Variants in NAV2 observed in about 807,000 individuals in gnomAD.
NAV2 encodes the protein neuron navigator 2.
In NAV2, 54 loss-of-function variants were observed where a neutral mutation model predicts 223.2. That is an observed-to-expected ratio of 0.24 (90% confidence interval 0.19 to 0.30). NAV2 has a LOEUF of 0.30. Ranked by LOEUF, NAV2 falls within the 10% of genes least tolerant of loss-of-function variation. The pLI is 1.00. For synonymous variants in NAV2, 1,279 were observed against 1,239.3 expected (o/e 1.03, Z -0.67); for missense variants, 2,806 against 3,147.5 (o/e 0.89, Z 2.60).
At chr11:19,489,582 C>T in intron 1 of NAV2, among the ~76,000 whole-genome samples, 1 of 152,174 alleles carries the variant, frequency 6.6e-6, no homozygotes, top group South Asian at 2.1e-4. Flanking sequence ...AAAACAACAG[C>T]TTGGATGTCA....
chr11:19,573,191 C>T (rs907917537), intron 1 of NAV2, among the ~76,000 whole-genome samples: 2 of 152,214 alleles, frequency 1.3e-5, no homozygotes, highest in African/African-American at 4.8e-5. Context: ...TCACTTCCTG[C>T]ACTTCTTTTC....
chr11:19,814,502 G>T (rs1386777031), intron 1 of NAV2, among the ~76,000 whole-genome samples: 1 of 152,198 alleles, frequency 6.6e-6, no homozygotes, highest in Admixed American at 6.5e-5. Flanking sequence ...AGAGCAAAAA[G>T]GCAAGATGCA....
At chr11:19,794,288 C>G (rs1195303410) in intron 1 of NAV2, among the ~76,000 whole-genome samples, 1 of 152,196 alleles carries the variant, frequency 6.6e-6, no homozygotes, top group Non-Finnish European at 1.5e-5. Flanking sequence ...TCCTCCTCCC[C>G]CTCAACTGTT....
At chr11:19,431,753 A>C (rs1019013472) in intron 1 of NAV2, among the ~76,000 whole-genome samples, 1 of 152,254 alleles carries the variant, frequency 6.6e-6, no homozygotes, top group African/African-American at 2.4e-5. Context: ...AGAGTCTATC[A>C]AGATGAAATA....
At chr11:20,055,527 G>A (rs752679708) in intron 18 of NAV2, among the ~76,000 whole-genome samples, 91 of 152,190 alleles carry the variant, frequency 6.0e-4, no homozygotes, top group Non-Finnish European at 1.0e-3. Flanking sequence ...CTGTCTGAAC[G>A]TGCCAAGTTG....
chr11:19,525,682 T>C (rs138384349), intron 1 of NAV2, among the ~76,000 whole-genome samples: 57 of 152,288 alleles, frequency 3.7e-4, no homozygotes, highest in African/African-American at 1.3e-3. Context: ...GATAGTCTTG[T>C]TCCCACAGAA....
intron 1 of NAV2, among the ~76,000 whole-genome samples, chr11:19,517,556 T>C (rs532488678): frequency 5.3e-5 from 8 of 152,312 alleles, no homozygotes; most frequent in African/African-American, 1.9e-4. Flanking sequence ...TTTTCAGCCC[T>C]GCAAAGAGGA....
Position 19,778,525 on chromosome 11 carries a change from C to G in NAV2, c.268-53959C>G, listed in dbSNP as rs546494882. On this transcript the variant is annotated intron_variant, in intron 1 of 37. Coordinates refer to ENST00000349880, the MANE Select transcript of NAV2 (RefSeq NM_145117.5). ...CAAAAACAAAAACAAAAACAAAACA[C>G]AAAAAAAACAAAAAGAAAGAAAGAA... Among the ~76,000 whole-genome samples, 8 of 151,108 alleles carry G rather than the reference C, an allele frequency of 5.3e-5. No individual in the cohort carries two copies. In the South Asian group the frequency reaches 1.7e-3, roughly 32 times the overall value.
At chr11:19,820,114 G>A (rs192448257) in intron 1 of NAV2, among the ~76,000 whole-genome samples, 14 of 152,376 alleles carry the variant, frequency 9.2e-5, no homozygotes, top group Admixed American at 5.9e-4. Context: ...TGGAGGCTAC[G>A]ACTTAAAAGG....
chr11:19,645,050 G>A (rs77867121), intron 1 of NAV2, among the ~76,000 whole-genome samples: 2,387 of 152,282 alleles, frequency 0.016, 64 homozygotes, highest in African/African-American at 0.054. Flanking sequence ...TTAAAACAAC[G>A]CAAGCCTATT....
chr11:19,502,447 A>T, intron 1 of NAV2, among the ~76,000 whole-genome samples: 1 of 152,232 alleles, frequency 6.6e-6, no homozygotes. Flanking sequence ...AATTAAAGGC[A>T]GGTACGCTTT....
chr11:19,740,138 G>C (rs1043471744), intron 1 of NAV2, among the ~76,000 whole-genome samples: 2 of 152,088 alleles, frequency 1.3e-5, no homozygotes, highest in Non-Finnish European at 2.9e-5. Flanking sequence ...AGGGATCTCC[G>C]GACAGTAAAA....
At chr11:19,414,450 T>A (rs1009413900) in intron 1 of NAV2, among the ~76,000 whole-genome samples, 1 of 152,088 alleles carries the variant, frequency 6.6e-6, no homozygotes, top group African/African-American at 2.4e-5. Context: ...TAAAGCAAGA[T>A]CTTAGAGACC....
chr11:19,697,827 G>A (rs1331147355), intron 1 of NAV2, among the ~76,000 whole-genome samples: 1 of 152,230 alleles, frequency 6.6e-6, no homozygotes, highest in Non-Finnish European at 1.5e-5. Flanking sequence ...TCTGACAGCA[G>A]CTCCGTGCTG....
chr11:19,969,428 A>G (rs190542346), intron 10 of NAV2, among the ~76,000 whole-genome samples: 282 of 152,276 alleles, frequency 1.9e-3, no homozygotes, highest in African/African-American at 6.4e-3. Flanking sequence ...TCTAAAGCAG[A>G]TGCAAGGATG....
intron 1 of NAV2, among the ~76,000 whole-genome samples, chr11:19,351,396 C>A (rs10833098): frequency 0.25 from 38,623 of 152,160 alleles, 5,530 homozygotes; most frequent in East Asian, 0.49. Flanking sequence ...TTGCTCCTGA[C>A]AGCGGAGGTT....
At chr11:19,578,932 A>G (rs1173161930) in intron 1 of NAV2, among the ~76,000 whole-genome samples, 1 of 152,178 alleles carries the variant, frequency 6.6e-6, no homozygotes, top group Non-Finnish European at 1.5e-5. Context: ...ACATGTTCAC[A>G]CACCCAAGAT....
At chr11:19,574,419 A>G (rs1359668161) in intron 1 of NAV2, among the ~76,000 whole-genome samples, 1 of 152,048 alleles carries the variant, frequency 6.6e-6, no homozygotes, top group Non-Finnish European at 1.5e-5. Context: ...CTAGTCCCTT[A>G]TTCTTCCTTT....
rs1280908925 is a variant in NAV2 at position 19,639,858 on chromosome 11, AC to A, written c.76-192620del. Among the ~76,000 whole-genome samples the A allele has an allele frequency of 2.6e-5, 4 of 152,104 alleles. No individual in the cohort carries two copies. The East Asian group carries it at 5.8e-4, about 22-fold the overall frequency. On this transcript the variant is annotated intron_variant, in intron 1 of 37. Transcript: ENST00000360655. Reference sequence around the variant, plus strand: ...TGGGAAGTGGAGAAAATGTGGGGATACCCCCCTAGAAACTGGTAGCAGGGTG... The same window carrying A: ...TGGGAAGTGGAGAAAATGTGGGGATACCCCCTAGAAACTGGTAGCAGGGTG...
Sources: allele counts gnomAD v4.1 joint callset (sites outside exome capture counted in the v4.1 genomes callset), GRCh38; gene constraint gnomAD v4.1.1; transcripts MANE v1.5; gene names NCBI Gene and HGNC (gene_info 2026-07-23, HGNC 2026-07-21).